Variants in PSD2 observed in about 807,000 individuals in gnomAD.
PSD2 encodes the protein pleckstrin and Sec7 domain containing 2, also known as PH and SEC7 domain-containing protein 2.
PSD2 carries 38 observed loss-of-function variants against 69.8 expected under a neutral mutation model. The ratio of observed to expected loss-of-function variants is 0.54; its 90% CI spans 0.42 to 0.71. The LOEUF (loss-of-function observed/expected upper bound fraction) is 0.71. PSD2 is among the 30% of genes least tolerant of loss of function. PSD2 has a pLI of 0.00. For synonymous variants in PSD2, 412 were observed against 423.0 expected (o/e 0.97, Z 0.32); for missense variants, 943 against 1,014.5 (o/e 0.93, Z 0.96).
rs534546907 is a variant in PSD2 at position 139,843,655 on chromosome 5, T to A, written c.*1181T>A. ...AAAGGTGGAATGACAAGTTATTGAT[T>A]GTTTTTCTGTCGCTATTTCTTTCAT... On this transcript the variant is annotated 3_prime_UTR_variant, in exon 15 of 15. Coordinates refer to ENST00000274710, the MANE Select transcript of PSD2 (RefSeq NM_032289.4). The A allele has an allele frequency of 5.3e-5, 8 of 152,378 alleles. No homozygotes were observed. Among genetic ancestry groups the A allele is most frequent in the African/African-American group, 1.7e-4 (7 of 41,592 alleles). 9.4% of individuals were successfully genotyped at this position (152,378 alleles called of 1,614,324 possible). A position where few individuals can be genotyped will look rare whatever the true frequency, so the allele number is the denominator to read the frequency against.
intron 7 of PSD2, among the ~76,000 whole-genome samples, chr5:139,826,106 C>G (rs1202099496): frequency 2.0e-5 from 3 of 152,168 alleles, no homozygotes; most frequent in African/African-American, 7.2e-5. Context: ...GCAAGAGTGA[C>G]CACTGGGGTT....
upstream of PSD2, among the ~76,000 whole-genome samples, chr5:139,791,724 G>A (rs1759419392): frequency 6.6e-6 from 1 of 152,180 alleles, no homozygotes; most frequent in Non-Finnish European, 1.5e-5. Context: ...GAACAGGTTG[G>A]GTTTTAGCTA....
At chr5:139,824,528 C>G (rs1452490329) in intron 7 of PSD2, among the ~76,000 whole-genome samples, 1 of 151,500 alleles carries the variant, frequency 6.6e-6, no homozygotes, top group Admixed American at 6.6e-5. Flanking sequence ...TCCCGAGTAG[C>G]TGGGACTACA....
chr5:139,742,727 G>C, the PSD2 span, among the ~76,000 whole-genome samples: 4 of 152,212 alleles, frequency 2.6e-5, no homozygotes, highest in Non-Finnish European at 5.9e-5. Context: ...CATGAGTGCA[G>C]GTGTGAGTGT....
In PSD2 at chr5:139,822,708, C is replaced by T. The variant is rs1444366169; in HGVS notation, c.1211-18C>T. ...AGGTTGGATCCTCGCACTGAGAGTG[C>T]CACCATCTCTGACTCAGATGGGATC... On this transcript the variant is annotated intron_variant, in intron 6 of 14. Coordinates refer to ENST00000274710, the MANE Select transcript of PSD2 (RefSeq NM_032289.4). 3 of 1,604,064 alleles carry T rather than the reference C, an allele frequency of 1.9e-6. No homozygotes were observed. Among genetic ancestry groups the T allele is most frequent in the South Asian group, 1.1e-5 (1 of 89,722 alleles).
the PSD2 span, among the ~76,000 whole-genome samples, chr5:139,756,560 G>A: frequency 6.6e-6 from 1 of 152,184 alleles, no homozygotes. Flanking sequence ...TGGAGGGAGC[G>A]GACTTTAGGT....
At chr5:139,812,757 A>AT (rs1760004181) in intron 2 of PSD2, among the ~76,000 whole-genome samples, 1 of 152,142 alleles carries the variant, frequency 6.6e-6, no homozygotes, top group East Asian at 1.9e-4. Context: ...GAAGAGCAAA[A>AT]TTATGACCCA....
intron 7 of PSD2, among the ~76,000 whole-genome samples, chr5:139,826,529 A>T (rs1318701998): frequency 6.6e-6 from 1 of 152,186 alleles, no homozygotes; most frequent in African/African-American, 2.4e-5. Context: ...TGGGCTTGGT[A>T]GCTCTGGCAA....
rs1251344516 is a variant in PSD2 at position 139,809,519 on chromosome 5, G to A, written c.79G>A (p.Glu27Lys). ...TRDPGPEPEEEPGVRNGMASE... is the reference protein window; with the variant it reads ...TRDPGPEPEEKPGVRNGMASE... ...TGACCCCGGTCCAGAGCCTGAAGAGGAGCCAGGGGTCCGGAATGGGATGGC... is the reference window on the plus strand; with the variant it reads ...TGACCCCGGTCCAGAGCCTGAAGAGAAGCCAGGGGTCCGGAATGGGATGGC... Residue 27 changes from glutamate to lysine, a missense_variant, in exon 2 of 15, where the codon GAG (glutamate) becomes AAG (lysine). Glu to Lys is a moderately conservative substitution (Grantham distance 56). Around this residue, in one of 3 missense-constraint regions of PSD2, gnomAD observed 466 missense variants for 445.0 expected, o/e 1.05. Coordinates refer to ENST00000274710, the MANE Select transcript of PSD2 (RefSeq NM_032289.4). 3.7e-6 allele frequency: 6 copies of A among 1,613,172 alleles called. No individual in the cohort carries two copies. Among genetic ancestry groups the A allele is most frequent in the Non-Finnish European group, 5.1e-6 (6 of 1,179,550 alleles).
chr5:139,825,771 A>G (rs1760401037), intron 7 of PSD2, among the ~76,000 whole-genome samples: 1 of 152,130 alleles, frequency 6.6e-6, no homozygotes, highest in South Asian at 2.1e-4. Context: ...GGGGAGGCCA[A>G]GGAGGCAGTA....
chr5:139,801,652 G>A (rs1162786949), intron 1 of PSD2, among the ~76,000 whole-genome samples: 1 of 152,026 alleles, frequency 6.6e-6, no homozygotes, highest in Non-Finnish European at 1.5e-5. Flanking sequence ...TATCACCTAT[G>A]TACTGCCAGC....
In PSD2 at chr5:139,809,483, G is replaced by A. The variant is rs1160526150; in HGVS notation, c.43G>A (p.Asp15Asn). ...CTTATCTGCAGTGCCTGAGGAAGGCGATGCCACCCGTGACCCCGGTCCAGA... is the reference window on the plus strand; with the variant it reads ...CTTATCTGCAGTGCCTGAGGAAGGCAATGCCACCCGTGACCCCGGTCCAGA... ...KLLSAVPEEG[D>N]ATRDPGPEPE... Residue 15 changes from aspartate to asparagine, a missense_variant, in exon 2 of 15, where the codon GAT (aspartate) becomes AAT (asparagine). Physicochemically the swap from Asp to Asn is conservative, Grantham distance 23. This residue lies in a region of PSD2 where 466 missense variants were observed against 445.0 expected (regional missense o/e 1.05). Coordinates refer to ENST00000274710, the MANE Select transcript of PSD2 (RefSeq NM_032289.4). 7 of 1,612,524 alleles carry A rather than the reference G, an allele frequency of 4.3e-6. No homozygotes were observed. The highest frequency in any genetic ancestry group is 4.5e-5 in the East Asian group (2 of 44,868).
In PSD2 at chr5:139,838,612, C is replaced by T. The variant is rs1760796130; in HGVS notation, c.1824-16C>T. 6.2e-7 allele frequency: 1 copy of T among 1,606,956 alleles called. No homozygotes were observed. Among genetic ancestry groups the T allele is most frequent in the Non-Finnish European group, 8.5e-7 (1 of 1,174,410 alleles). On this transcript the variant is annotated splice_polypyrimidine_tract_variant and intron_variant, in intron 12 of 14. Coordinates refer to ENST00000274710, the MANE Select transcript of PSD2 (RefSeq NM_032289.4). Reference sequence around the variant, plus strand: ...CTGTGTGAGAGGCCGGCACCCTCTCCCCCTCCTGTCCCCAGGAGCAAGGAA... The same window carrying T: ...CTGTGTGAGAGGCCGGCACCCTCTCTCCCTCCTGTCCCCAGGAGCAAGGAA...
the PSD2 span, among the ~76,000 whole-genome samples, chr5:139,748,572 G>GAGGGGGA: frequency 2.0e-5 from 3 of 152,210 alleles, no homozygotes; most frequent in African/African-American, 4.8e-5. Context: ...CCTCCCCCGG[G>GAGGGGGA]CGAACTCATG....
chr5:139,797,091 C>T (rs1191307490), intron 1 of PSD2, among the ~76,000 whole-genome samples: 2 of 152,178 alleles, frequency 1.3e-5, no homozygotes, highest in Non-Finnish European at 2.9e-5. Flanking sequence ...CAGTTGCAGT[C>T]GTTCTTTCAT....
the PSD2 span, among the ~76,000 whole-genome samples, chr5:139,778,157 G>A: frequency 5.9e-5 from 9 of 152,366 alleles, 1 homozygote; most frequent in African/African-American, 1.9e-4. Context: ...GGCACTCGAG[G>A]TGTGAAGGAA....
chr5:139,783,296 G>C, the PSD2 span, among the ~76,000 whole-genome samples: 16 of 152,188 alleles, frequency 1.1e-4, no homozygotes, highest in Middle Eastern at 0.01. Context: ...AAAAAAATTA[G>C]CTGGGCAGGG....
At chr5:139,822,846 C>A in intron 7 of PSD2, 62 bp downstream of exon 7, 1 of 1,425,650 alleles carries the variant, frequency 7.0e-7, no homozygotes, top group Non-Finnish European at 9.5e-7. Context: ...TTGTGTTGAT[C>A]CCGGCCCCTT....
chr5:139,822,898 G>T (rs754244124), intron 7 of PSD2, 114 bp downstream of exon 7: 10 of 877,212 alleles, frequency 1.1e-5, no homozygotes, highest in Non-Finnish European at 1.6e-5. Context: ...TTTTTGAAGC[G>T]GTGGGGGTTG....
Sources: allele counts gnomAD v4.1 joint callset (sites outside exome capture counted in the v4.1 genomes callset), GRCh38; gene constraint gnomAD v4.1.1; regional missense constraint gnomAD v4.1.1; transcripts MANE v1.5; gene names NCBI Gene and HGNC (gene_info 2026-07-23, HGNC 2026-07-21).